The following TM9SF3 variants were observed in gnomAD, a reference collection of about 807,000 sequenced individuals.
TM9SF3 encodes the protein transmembrane 9 superfamily member 3, also known as SM-11044-binding protein.
A neutral mutation model predicts 78.6 loss-of-function variants in TM9SF3; 14 were observed. The observed-to-expected ratio is 0.18, with a 90% confidence interval of 0.12 to 0.28. TM9SF3 has a LOEUF of 0.28. Ranked by LOEUF, TM9SF3 falls within the 10% of genes least tolerant of loss-of-function variation. The probability of loss-of-function intolerance (pLI) is 1.00; values close to 1 mark genes in which losing one functional copy is unlikely to be tolerated. For synonymous variants in TM9SF3, 231 were observed against 241.7 expected (o/e 0.96, Z 0.41); for missense variants, 496 against 721.9 (o/e 0.69, Z 3.59).
chr10:96,581,428 A>C (rs533081060), intron 1 of TM9SF3, among the ~76,000 whole-genome samples: 1 of 152,224 alleles, frequency 6.6e-6, no homozygotes, highest in Non-Finnish European at 1.5e-5. Flanking sequence ...CTTCAAAATA[A>C]TGTTCCAGAA....
At chr10:96,567,975 T>G (rs1564938258) in intron 2 of TM9SF3, among the ~76,000 whole-genome samples, 1 of 152,222 alleles carries the variant, frequency 6.6e-6, no homozygotes, top group Non-Finnish European at 1.5e-5. Context: ...TTGAACAGTG[T>G]CTCTCAGAAG....
intron 8 of TM9SF3, among the ~76,000 whole-genome samples, chr10:96,545,526 T>A (rs1422047975): frequency 6.6e-6 from 1 of 152,224 alleles, no homozygotes; most frequent in African/African-American, 2.4e-5. Flanking sequence ...TACTTCTATT[T>A]AATTCCAACA....
At chr10:96,527,911 A>G (rs992054262) in intron 12 of TM9SF3, 120 bp downstream of exon 12, 1 of 995,460 alleles carries the variant, frequency 1.0e-6, no homozygotes, top group Middle Eastern at 2.3e-4. Context: ...AAAAATCCCT[A>G]TGCTATTTTA....
Position 96,530,394 on chromosome 10 carries a change from T to G in TM9SF3, c.1394+146A>C. 4 of 634,972 alleles carry G rather than the reference T, an allele frequency of 6.3e-6. No homozygotes were observed. The South Asian group carries it at 6.8e-5, about 11-fold the overall frequency. The allele number at this position is 634,972 out of a possible 1,614,324, so 39.3% of individuals were successfully genotyped here. On this transcript the variant is annotated intron_variant, in intron 11 of 14. Transcript: ENST00000371142. ...TTAAGAACACAGCCAACAGCTACCTTTATATAGCCTATTCCCTTTCTGGAA... is the reference window on the plus strand; with the variant it reads ...TTAAGAACACAGCCAACAGCTACCTGTATATAGCCTATTCCCTTTCTGGAA...
At position 96,519,966 on chromosome 10, in the gene TM9SF3, T is replaced by G. The variant is rs910094893; in HGVS notation, c.*2297A>C. 5 of 151,970 alleles carry G rather than the reference T, an allele frequency of 3.3e-5. No individual in the cohort carries two copies. The highest frequency in any genetic ancestry group is 5.9e-5 in the Non-Finnish European group (4 of 67,868). The allele number at this position is 151,970 out of a possible 1,614,324, so 9.4% of individuals were successfully genotyped here. On this transcript the variant is annotated 3_prime_UTR_variant, in exon 15 of 15. Transcript: ENST00000371142. The stretch of plus-strand genomic sequence containing the variant: ...GAACTTCAAATAGAGCTCAATTTAG[T>G]AGAAAGAATTGGTGTACCTGAAAGC...
chr10:96,550,969 G>A (rs1413358516), intron 7 of TM9SF3, among the ~76,000 whole-genome samples: 7 of 152,082 alleles, frequency 4.6e-5, no homozygotes, highest in Non-Finnish European at 8.8e-5. Flanking sequence ...AAACAGCTCT[G>A]GATTGAAAGT....
Position 96,586,821 on chromosome 10 carries a change from A to G in TM9SF3, c.15T>C (p.Pro5=). Residue 5 remains proline, a synonymous_variant, in exon 1 of 15, where the codon CCT becomes CCC. Coordinates refer to ENST00000371142, the MANE Select transcript of TM9SF3 (RefSeq NM_020123.4). MRPL[P]GALGVAAAAA... Reference sequence around the variant, plus strand: ...CGGCCGCCGCCACGCCAAGAGCGCCAGGCAGCGGCCTCATCCTCCGCGCCC... The same window carrying G: ...CGGCCGCCGCCACGCCAAGAGCGCCGGGCAGCGGCCTCATCCTCCGCGCCC... 1 of 1,253,124 alleles carries G rather than the reference A, an allele frequency of 8.0e-7. No individual in the cohort carries two copies. The highest frequency in any genetic ancestry group is 1.0e-6 in the Non-Finnish European group (1 of 1,000,078). 77.6% of individuals were successfully genotyped at this position (1,253,124 alleles called of 1,614,324 possible).
intron 1 of TM9SF3, among the ~76,000 whole-genome samples, chr10:96,580,555 T>C (rs531129953): frequency 9.2e-5 from 14 of 152,240 alleles, no homozygotes; most frequent in East Asian, 3.9e-4. Context: ...CGTGAGCCAC[T>C]GCGCCTGGCC....
intron 1 of TM9SF3, among the ~76,000 whole-genome samples, chr10:96,585,679 GGAC>G (rs1011362748): frequency 6.6e-6 from 1 of 152,198 alleles, no homozygotes; most frequent in African/African-American, 2.4e-5. Context: ...AAATAGGTAA[GGAC>G]GACTGCTTCA....
rs1272696540 is a variant in TM9SF3 at position 96,519,798 on chromosome 10, A to G, written c.*2465T>C. The G allele has an allele frequency of 6.6e-6, 1 of 151,972 alleles. No homozygotes were observed. The highest frequency in any genetic ancestry group is 1.5e-5 in the Non-Finnish European group (1 of 67,862). The allele number at this position is 151,972 out of a possible 1,614,324, so 9.4% of individuals were successfully genotyped here. Reference sequence around the variant, plus strand: ...AGAAGACACACACACACGCACACACATACATACACTTATTCAACCCCTCTA... The same window carrying G: ...AGAAGACACACACACACGCACACACGTACATACACTTATTCAACCCCTCTA... On this transcript the variant is annotated 3_prime_UTR_variant, in exon 15 of 15. Coordinates refer to ENST00000371142, the MANE Select transcript of TM9SF3 (RefSeq NM_020123.4).
At chr10:96,576,870 ACACT>A in intron 1 of TM9SF3, 41 bp from the exon 2 acceptor site, 2 of 1,259,178 alleles carry the variant, frequency 1.6e-6, no homozygotes, top group Non-Finnish European at 2.1e-6. Flanking sequence ...AAAAAAAAAC[ACACT>A]AATTCAAATT....
At chr10:96,583,044 C>T (rs1366435870) in intron 1 of TM9SF3, among the ~76,000 whole-genome samples, 2 of 146,478 alleles carry the variant, frequency 1.4e-5, no homozygotes, top group African/African-American at 5.1e-5. Context: ...CACGCCATTG[C>T]ACTCCAGCCT....
chr10:96,528,323 T>C (rs2134129812), intron 11 of TM9SF3, 146 bp from the exon 12 acceptor site: 1 of 713,064 alleles, frequency 1.4e-6, no homozygotes, highest in Non-Finnish European at 2.2e-6. Flanking sequence ...TCTTACCATG[T>C]CTTCATCAAT....
At chr10:96,556,618 C>CCCCAT (rs1263572283) in intron 5 of TM9SF3, among the ~76,000 whole-genome samples, 1 of 151,992 alleles carries the variant, frequency 6.6e-6, no homozygotes, top group Non-Finnish European at 1.5e-5. Flanking sequence ...CTCCACTGAA[C>CCCCAT]CCCATCAGCA....
chr10:96,530,708 T>C, intron 10 of TM9SF3, 100 bp from the exon 11 acceptor site: 1 of 1,097,160 alleles, frequency 9.1e-7, no homozygotes, highest in Admixed American at 2.8e-5. Context: ...AAAAATCATC[T>C]CTAAAGGATA....
At chr10:96,530,749 C>T (rs1160131799) in intron 10 of TM9SF3, 141 bp from the exon 11 acceptor site, 7 of 664,100 alleles carry the variant, frequency 1.1e-5, no homozygotes, top group Admixed American at 3.4e-5. Context: ...AAAGCCAAAA[C>T]CCAAAGAGGC....
At chr10:96,574,436 G>A (rs1226834450) in intron 2 of TM9SF3, among the ~76,000 whole-genome samples, 1 of 152,212 alleles carries the variant, frequency 6.6e-6, no homozygotes, top group East Asian at 1.9e-4. Flanking sequence ...AGATGCTGGA[G>A]AGGATGGGAG....
intron 4 of TM9SF3, chr10:96,560,837 G>GA: frequency 1.5e-5 from 8 of 536,466 alleles, no homozygotes; most frequent in Middle Eastern, 6.0e-4. Context: ...TCAAAAACAG[G>GA]AAAAAAAATT....
intron 9 of TM9SF3, among the ~76,000 whole-genome samples, chr10:96,533,394 T>C (rs1051669910): frequency 6.6e-6 from 1 of 152,232 alleles, no homozygotes; most frequent in African/African-American, 2.4e-5. Context: ...CAAGTTGAAC[T>C]AGTTCTTATC....
Sources: allele counts gnomAD v4.1 joint callset (sites outside exome capture counted in the v4.1 genomes callset), GRCh38; gene constraint gnomAD v4.1.1; transcripts MANE v1.5; gene names NCBI Gene and HGNC (gene_info 2026-07-23, HGNC 2026-07-21).